The following RBFOX1 variants were observed in gnomAD, a reference collection of about 807,000 sequenced individuals.
RBFOX1 encodes RNA binding protein fox-1 homolog 1.
A neutral mutation model predicts 57.7 loss-of-function variants in RBFOX1; 8 were observed. The ratio of observed to expected loss-of-function variants is 0.14; its 90% confidence interval spans 0.08 to 0.25. The LOEUF (loss-of-function observed/expected upper bound fraction) is 0.25. RBFOX1 is among the 10% of genes least tolerant of loss of function. The pLI is 1.00. For synonymous variants in RBFOX1, 326 were observed against 222.4 expected (o/e 1.47, Z -4.15); for missense variants, 611 against 548.5 (o/e 1.11, Z -1.14).
At position 6,424,110 on chromosome 16, in the gene RBFOX1, G is replaced by A. The variant is rs149428164; in HGVS notation, c.-64+107053G>A. Among the ~76,000 whole-genome samples, 813 of 152,284 alleles carry A rather than the reference G, an allele frequency of 5.3e-3. 10 individuals are homozygous for A. The highest frequency in any genetic ancestry group is 0.018 in the African/African-American group (767 of 41,546). ...AAAAATCAGCCAGATATGTTGGCAT[G>A]TGCCTATAATCCCAGCTACTCGGGA... On this transcript the variant is annotated intron_variant, in intron 2 of 15. Coordinates refer to ENST00000550418, the MANE Select transcript of RBFOX1 (RefSeq NM_018723.4).
intron 1 of RBFOX1, among the ~76,000 whole-genome samples, chr16:6,088,103 C>T (rs755037360): frequency 7.9e-5 from 12 of 152,142 alleles, no homozygotes; most frequent in Admixed American, 2.0e-4. Flanking sequence ...TTCACCGTCT[C>T]GTTATTTCAA....
intron 2 of RBFOX1, among the ~76,000 whole-genome samples, chr16:6,549,686 C>A (rs146457096): frequency 2.3e-3 from 345 of 152,112 alleles, no homozygotes; most frequent in African/African-American, 7.9e-3. Context: ...GACGATAGGG[C>A]TGGAGTCTTC....
At chr16:6,660,212 G>A (rs993765624) in intron 3 of RBFOX1, among the ~76,000 whole-genome samples, 2 of 148,096 alleles carry the variant, frequency 1.4e-5, no homozygotes, top group Non-Finnish European at 3.0e-5. Context: ...CAATAAGAGT[G>A]AGACTTCATC....
intron 1 of RBFOX1, among the ~76,000 whole-genome samples, chr16:5,305,317 G>A (rs1247204314): frequency 6.6e-6 from 1 of 152,130 alleles, no homozygotes; most frequent in Admixed American, 6.5e-5. Flanking sequence ...ATTGTGATCA[G>A]CAACATTTTG....
At chr16:5,708,474 T>C (rs929363326) in intron 3 of RBFOX1, among the ~76,000 whole-genome samples, 1 of 152,176 alleles carries the variant, frequency 6.6e-6, no homozygotes, top group Non-Finnish European at 1.5e-5. Context: ...TTCAGGCTAT[T>C]AGTAGATCCA....
chr16:6,914,038 T>A (rs146186086), intron 3 of RBFOX1, among the ~76,000 whole-genome samples: 1 of 152,256 alleles, frequency 6.6e-6, no homozygotes, highest in East Asian at 1.9e-4. Flanking sequence ...AAGCAAAAAA[T>A]AGTGTTGCAT....
chr16:7,513,701 G>T (rs1369839357), intron 4 of RBFOX1, among the ~76,000 whole-genome samples: 1 of 152,076 alleles, frequency 6.6e-6, no homozygotes, highest in African/African-American at 2.4e-5. Flanking sequence ...CCGGTATGAG[G>T]CGCCCAGCAC....
At chr16:6,738,404 A>G (rs1431489484) in intron 3 of RBFOX1, among the ~76,000 whole-genome samples, 1 of 152,176 alleles carries the variant, frequency 6.6e-6, no homozygotes, top group African/African-American at 2.4e-5. Context: ...ATAGAGCATC[A>G]GAGTGGAGAG....
At chr16:5,470,379 T>G (rs1282773988) in intron 2 of RBFOX1, among the ~76,000 whole-genome samples, 2 of 152,206 alleles carry the variant, frequency 1.3e-5, no homozygotes, top group African/African-American at 2.4e-5. Flanking sequence ...CTGCAGCCCC[T>G]TAACCTCTAA....
At chr16:6,790,271 G>C (rs2154247390) in intron 3 of RBFOX1, among the ~76,000 whole-genome samples, 1 of 151,544 alleles carries the variant, frequency 6.6e-6, no homozygotes, top group East Asian at 1.9e-4. Context: ...TGCAACCTCT[G>C]CCTCCAGGGT....
chr16:6,892,297 T>C (rs1314338503), intron 3 of RBFOX1, among the ~76,000 whole-genome samples: 1 of 152,162 alleles, frequency 6.6e-6, no homozygotes, highest in Non-Finnish European at 1.5e-5. Context: ...TCTTCGACCG[T>C]AAAGTACTGG....
intron 2 of RBFOX1, among the ~76,000 whole-genome samples, chr16:6,466,662 C>A (rs2095057067): frequency 6.6e-6 from 1 of 152,190 alleles, no homozygotes; most frequent in Non-Finnish European, 1.5e-5. Context: ...ATGTGACATG[C>A]ACCCAAAGAG....
rs531159524 is a variant in RBFOX1 at position 5,387,393 on chromosome 16, C to T, written c.220-79823C>T. 9.8e-5 allele frequency among the ~76,000 whole-genome samples: 15 copies of T among 152,316 alleles called. No individual in the cohort carries two copies. In the East Asian group the frequency reaches 2.3e-3, roughly 23 times the overall value. ...GGCCCTCCAAGTTGGCATGGTGACT[C>T]TGTAAAGTCATCACAGACCTAGGCA... On this transcript the variant is annotated intron_variant, in intron 1 of 2. Coordinates refer to the RBFOX1 transcript ENST00000585867.
chr16:6,572,214 A>G (rs192877268), intron 2 of RBFOX1, among the ~76,000 whole-genome samples: 4 of 152,250 alleles, frequency 2.6e-5, no homozygotes, highest in East Asian at 3.9e-4. Flanking sequence ...TTTTGCCTAT[A>G]TTTGATTTCA....
intron 1 of RBFOX1, among the ~76,000 whole-genome samples, chr16:6,142,232 T>G (rs1294233599): frequency 6.8e-6 from 1 of 147,874 alleles, no homozygotes; most frequent in Admixed American, 6.7e-5. Context: ...CTCTTTTTTT[T>G]TTTTTTGGAG....
intron 3 of RBFOX1, among the ~76,000 whole-genome samples, chr16:5,692,667 A>G (rs2050723685): frequency 6.6e-6 from 1 of 152,088 alleles, no homozygotes; most frequent in African/African-American, 2.4e-5. Context: ...AGGGACCAGA[A>G]TCCCTGGCTG....
At chr16:6,322,503 G>C (rs1460946736) in intron 2 of RBFOX1, among the ~76,000 whole-genome samples, 2 of 149,300 alleles carry the variant, frequency 1.3e-5, no homozygotes, top group African/African-American at 2.5e-5. Context: ...AAGCCCTCCT[G>C]ATAATGAATT....
Position 5,492,109 on chromosome 16 carries a change from C to A in RBFOX1, c.258+24855C>A, listed in dbSNP as rs756359420. Among the ~76,000 whole-genome samples, 62 of 152,250 alleles carry A rather than the reference C, an allele frequency of 4.1e-4. 2 individuals are homozygous for A. The highest frequency in any genetic ancestry group is 8.3e-4 in the South Asian group (4 of 4,818). The stretch of plus-strand genomic sequence containing the variant: ...CCTAGACCTACTGAGTCAGAAACAC[C>A]AGGGCTGAGGCCTGGGAATCTGTGT... On this transcript the variant is annotated intron_variant, in intron 2 of 2. Transcript: ENST00000585867.
chr16:5,929,324 C>G (rs2059000322), intron 4 of RBFOX1, among the ~76,000 whole-genome samples: 1 of 152,070 alleles, frequency 6.6e-6, no homozygotes, highest in African/African-American at 2.4e-5. Context: ...GCCTCTCTCT[C>G]TCTCTCTCTC....
Sources: gnomAD v4.1 joint callset for allele counts (sites outside exome capture counted in the v4.1 genomes callset) on GRCh38, gnomAD v4.1.1 for gene constraint, MANE v1.5 for transcripts, NCBI Gene and HGNC (gene_info 2026-07-23, HGNC 2026-07-21) for gene names.